ESR1: variants seen among roughly 807,000 people sequenced by gnomAD.
The protein encoded by ESR1 is estrogen receptor 1.
Under a neutral mutation model 52.7 loss-of-function variants are expected in ESR1, and 12 were observed. That is an observed-to-expected ratio of 0.23 (90% CI 0.15 to 0.37). The LOEUF (loss-of-function observed/expected upper bound fraction) is 0.37, where lower values mean the gene tolerates loss of function less well. ESR1 is among the 10% of genes least tolerant of loss of function. ESR1 has a pLI of 1.00. For synonymous variants in ESR1, 305 were observed against 316.8 expected (o/e 0.96, Z 0.39); for missense variants, 584 against 779.7 (o/e 0.75, Z 2.99).
At chr6:151,798,166 G>A (rs1776889745) in intron 2 of ESR1, among the ~76,000 whole-genome samples, 2 of 152,158 alleles carry the variant, frequency 1.3e-5, no homozygotes, top group Admixed American at 6.5e-5. Context: ...GGACACATAC[G>A]TAAGGGAGAA....
chr6:152,122,329 C>T (rs538409771), intron 6 of ESR1: 1 of 1,589,094 alleles, frequency 6.3e-7, no homozygotes, highest in East Asian at 2.2e-5. Flanking sequence ...AGCTGCCACA[C>T]CGAGGGCTTT....
upstream of ESR1, chr6:151,804,338 T>C (rs1777570474): frequency 6.6e-6 from 1 of 152,220 alleles, no homozygotes; most frequent in Non-Finnish European, 1.5e-5. Context: ...ATGTCAATAG[T>C]GAACAATTGC....
intron 1 of ESR1, among the ~76,000 whole-genome samples, chr6:151,832,530 ACACAGGTAAC>A (rs1416778014): frequency 1.4e-4 from 21 of 152,234 alleles, no homozygotes; most frequent in Non-Finnish European, 3.1e-4. Context: ...AGAGAGAGGT[ACACAGGTAAC>A]CACATTTAGA....
intron 1 of ESR1, among the ~76,000 whole-genome samples, chr6:151,676,145 G>A (rs1054797983): frequency 1.1e-4 from 17 of 152,168 alleles, no homozygotes. Context: ...AAGGTGCAGG[G>A]GTCACAGGGA....
intron 3 of ESR1, among the ~76,000 whole-genome samples, chr6:151,909,370 T>C (rs1797919192): frequency 1.3e-5 from 2 of 152,290 alleles, no homozygotes; most frequent in Admixed American, 6.5e-5. Context: ...GAGAATCTGC[T>C]GAGGCTGGGT....
chr6:151,824,896 G>A (rs560609258), intron 1 of ESR1, among the ~76,000 whole-genome samples: 62 of 151,346 alleles, frequency 4.1e-4, no homozygotes, highest in African/African-American at 1.3e-3. Context: ...ACTCCAGGCT[G>A]GGCAACAGAG....
Position 152,093,169 on chromosome 6 carries a change from T to C in ESR1, c.1370-1216T>C, listed in dbSNP as rs113985248. On this transcript the variant is annotated intron_variant, in intron 6 of 7. Transcript: ENST00000206249. ...GCAGGCTCGTGTATTCCCAGCTACTTGGGAGGCTGAGGCAGAGAACTGTTT... is the reference window on the plus strand; with the variant it reads ...GCAGGCTCGTGTATTCCCAGCTACTCGGGAGGCTGAGGCAGAGAACTGTTT... Among the ~76,000 whole-genome samples, 170 of 151,360 alleles carry C rather than the reference T, an allele frequency of 1.1e-3. 2 individuals carry two copies. Among genetic ancestry groups the C allele is most frequent in the African/African-American group, 3.7e-3 (152 of 41,228 alleles).
At chr6:151,750,058 A>G (rs1255616755) in intron 2 of ESR1, among the ~76,000 whole-genome samples, 1 of 152,210 alleles carries the variant, frequency 6.6e-6, no homozygotes, top group Non-Finnish European at 1.5e-5. Context: ...TTATCAGAGA[A>G]TGACACTTAG....
intron 2 of ESR1, among the ~76,000 whole-genome samples, chr6:151,756,711 CG>C (rs1012256131): frequency 2.0e-5 from 3 of 151,994 alleles, no homozygotes; most frequent in Admixed American, 6.5e-5. Flanking sequence ...TTAAATGGGC[CG>C]GGCGTGATGG....
intron 3 of ESR1, among the ~76,000 whole-genome samples, chr6:151,928,174 G>A (rs2033047047): frequency 6.6e-6 from 1 of 152,048 alleles, no homozygotes; most frequent in South Asian, 2.1e-4. Flanking sequence ...GACTTATGAT[G>A]GGGTTGTGTC....
chr6:151,944,241 A>C lies in ESR1; in HGVS notation c.829A>C (p.Arg277=). Residue 277 remains arginine (R), a synonymous_variant, in exon 4 of 8, where the codon AGG becomes CGG. Coordinates refer to ENST00000206249, the MANE Select transcript of ESR1 (RefSeq NM_000125.4). ...GCGCCAGAGAGATGATGGGGAGGGC[A>C]GGGGTGAAGTGGGGTCTGCTGGAGA... is the stretch of plus-strand genomic sequence containing the variant. ...HKRQRDDGEG[R]GEVGSAGDMR... is the part of the protein sequence containing the mutation. 2 of 1,614,114 alleles carry C rather than the reference A, an allele frequency of 1.2e-6. No homozygotes were observed. Among genetic ancestry groups the C allele is most frequent in the Non-Finnish European group, 1.7e-6 (2 of 1,179,992 alleles).
intron 1 of ESR1, among the ~76,000 whole-genome samples, chr6:151,835,504 T>G (rs932034166): frequency 6.6e-6 from 1 of 152,246 alleles, no homozygotes; most frequent in Admixed American, 6.5e-5. Flanking sequence ...AGCTAGTGTC[T>G]AACTAGATGT....
intron 5 of ESR1, among the ~76,000 whole-genome samples, chr6:152,054,524 C>T (rs1352379545): frequency 6.6e-6 from 1 of 152,024 alleles, no homozygotes; most frequent in Non-Finnish European, 1.5e-5. Flanking sequence ...CTCCTTTGCG[C>T]ACTGATGCCA....
At chr6:152,083,160 A>G (rs1562767299) in intron 6 of ESR1, among the ~76,000 whole-genome samples, 1 of 152,226 alleles carries the variant, frequency 6.6e-6, no homozygotes, top group Non-Finnish European at 1.5e-5. Context: ...TAGCCAAGAC[A>G]ATCCTAAGCA....
downstream of ESR1, among the ~76,000 whole-genome samples, chr6:152,105,539 C>T (rs1161978758): frequency 2.0e-5 from 3 of 151,556 alleles, no homozygotes; most frequent in Admixed American, 1.3e-4. Context: ...GATTCTCCTG[C>T]CTCAGCCTCC....
intron 1 of ESR1, among the ~76,000 whole-genome samples, chr6:151,824,858 T>C (rs1781208061): frequency 6.6e-6 from 1 of 151,824 alleles, no homozygotes; most frequent in African/African-American, 2.4e-5. Context: ...GAGGTGTAGG[T>C]TGCAGTGAGC....
At chr6:151,775,591 C>CA (rs199783825) in intron 2 of ESR1, among the ~76,000 whole-genome samples, 2,516 of 151,850 alleles carry the variant, frequency 0.017, 77 homozygotes, top group African/African-American at 0.058. Context: ...ACTAAAAATA[C>CA]AAAAAAATTA....
At chr6:151,888,183 G>A (rs926533412) in intron 3 of ESR1, among the ~76,000 whole-genome samples, 1 of 152,044 alleles carries the variant, frequency 6.6e-6, no homozygotes, top group Non-Finnish European at 1.5e-5. Context: ...TTTTTGGATT[G>A]TTTTTCCACT....
At chr6:151,913,043 A>G (rs1316573247) in intron 3 of ESR1, among the ~76,000 whole-genome samples, 1 of 152,148 alleles carries the variant, frequency 6.6e-6, no homozygotes, top group African/African-American at 2.4e-5. Context: ...CTATGTAACA[A>G]ACCTGCACGT....
Sources: gnomAD v4.1 joint callset for allele counts (sites outside exome capture counted in the v4.1 genomes callset) on GRCh38, gnomAD v4.1.1 for gene constraint, MANE v1.5 for transcripts, NCBI Gene and HGNC (gene_info 2026-07-23, HGNC 2026-07-21) for gene names.